WDR7: variants seen among roughly 807,000 people sequenced by gnomAD.
The protein encoded by WDR7 is WD repeat domain 7.
WDR7 carries 46 observed loss-of-function variants against 169.4 expected under a neutral mutation model. The observed-to-expected ratio is 0.27, with a 90% CI of 0.21 to 0.35. The LOEUF is 0.35. Ranked by LOEUF, WDR7 falls within the 10% of genes least tolerant of loss-of-function variation. The pLI, the probability that WDR7 is intolerant of heterozygous loss-of-function variation, is 1.00. For synonymous variants in WDR7, 612 were observed against 666.8 expected (o/e 0.92, Z 1.27); for missense variants, 1,534 against 1,859.3 (o/e 0.83, Z 3.22).
chr18:56,838,759 G>A (rs1029059558), intron 20 of WDR7, among the ~76,000 whole-genome samples: 1 of 152,188 alleles, frequency 6.6e-6, no homozygotes, highest in Non-Finnish European at 1.5e-5. Context: ...CTTAAGCTAA[G>A]TGGGATGTGA....
intron 20 of WDR7, among the ~76,000 whole-genome samples, chr18:56,820,900 T>C (rs1485135271): frequency 1.3e-5 from 2 of 152,202 alleles, no homozygotes; most frequent in African/African-American, 2.4e-5. Context: ...ACATGATTGA[T>C]ACCTAGTGTC....
chr18:56,974,437 A>G (rs1464320685), intron 26 of WDR7, among the ~76,000 whole-genome samples: 1 of 142,586 alleles, frequency 7.0e-6, no homozygotes, highest in African/African-American at 2.7e-5. Flanking sequence ...GTTCACAGGC[A>G]TGATCATAGT....
intron 2 of WDR7, 25 bp from the exon 3 acceptor site, chr18:56,679,307 A>T: frequency 1.3e-6 from 2 of 1,585,098 alleles, no homozygotes; most frequent in East Asian, 4.5e-5. Context: ...TTGGTACTTA[A>T]ACTAGCATAT....
chr18:56,686,855 G>T lies in WDR7; in HGVS notation c.598G>T (p.Asp200Tyr). Reference protein sequence around the residue: ...IVTSEISDMQDTEPIFEEESK... With the variant: ...IVTSEISDMQYTEPIFEEESK... The stretch of plus-strand genomic sequence containing the variant: ...AATTTTTACAAATCTTTCTTTTCAG[G>T]ATACTGAGCCAATATTTGAGGAGGA... Residue 200 changes from aspartate (D) to tyrosine (Y), a missense_variant and splice_region_variant, in exon 7 of 28, where the codon GAT becomes TAT. Physicochemically the swap from Asp to Tyr is radical, Grantham distance 160. Transcript: ENST00000254442. The T allele has an allele frequency of 6.3e-7, 1 of 1,589,624 alleles. No individual in the cohort carries two copies. Among genetic ancestry groups the T allele is most frequent in the Non-Finnish European group, 8.6e-7 (1 of 1,160,968 alleles).
At chr18:56,755,683 T>G (rs960764409) in intron 14 of WDR7, among the ~76,000 whole-genome samples, 2 of 152,098 alleles carry the variant, frequency 1.3e-5, no homozygotes, top group African/African-American at 4.8e-5. Flanking sequence ...TGGCTGATGA[T>G]GGAAATTAGA....
chr18:56,807,293 T>C (rs965017206), intron 19 of WDR7, among the ~76,000 whole-genome samples: 1 of 144,562 alleles, frequency 6.9e-6, no homozygotes, highest in Non-Finnish European at 1.6e-5. Flanking sequence ...GTTAAGCTTA[T>C]GCTTTAGTAC....
At chr18:57,032,837 A>G (rs1006296367), downstream of WDR7, 1 of 121,062 alleles carries the variant, frequency 8.3e-6, no homozygotes, top group Non-Finnish European at 1.7e-5. Context: ...ATATATATAT[A>G]TATATATACA....
chr18:57,013,888 G>C lies in WDR7; in HGVS notation c.4165-6857G>C, dbSNP rs1231400212. ...TGTACGAGTTTTTCCTTTTCAAGGA[G>C]TTCTAGTAAATTATCTTTTAATGGT... On this transcript the variant is annotated intron_variant, in intron 26 of 27. Transcript: ENST00000254442. Among the ~76,000 whole-genome samples, 4 of 152,324 alleles carry C rather than the reference G, an allele frequency of 2.6e-5. No individual in the cohort carries two copies. The East Asian group carries it at 7.7e-4, about 29-fold the overall frequency.
intron 22 of WDR7, among the ~76,000 whole-genome samples, chr18:56,930,074 G>A (rs113021004): frequency 3.9e-5 from 6 of 152,246 alleles, no homozygotes; most frequent in South Asian, 2.1e-4. Context: ...TGAAGGGGCC[G>A]GGCGAGCATC....
intron 2 of WDR7, among the ~76,000 whole-genome samples, chr18:56,673,473 G>A (rs1421052390): frequency 3.3e-5 from 5 of 152,018 alleles, no homozygotes; most frequent in South Asian, 2.1e-4. Flanking sequence ...ATAAAGTTGC[G>A]CGGCCATTAC....
In WDR7 at chr18:56,675,505, A is replaced by G. The variant is rs115021952; in HGVS notation, c.159+2831A>G. On this transcript the variant is annotated intron_variant, in intron 2 of 27. Coordinates refer to ENST00000254442, the MANE Select transcript of WDR7 (RefSeq NM_015285.3). ...GAATTTTTCCATTTATTTTATTTTC[A>G]GATTTTTCATTGCTGGTGTATAGAA... 4.6e-3 allele frequency among the ~76,000 whole-genome samples: 703 copies of G among 151,912 alleles called. 6 individuals are homozygous for G. Among genetic ancestry groups the G allele is most frequent in the African/African-American group, 0.016 (654 of 41,420 alleles).
chr18:56,973,833 A>G (rs543996470), intron 26 of WDR7, among the ~76,000 whole-genome samples: 1 of 152,354 alleles, frequency 6.6e-6, no homozygotes, highest in African/African-American at 2.4e-5. Context: ...GAAGAGGCAC[A>G]TACCTGGTAC....
intron 9 of WDR7, among the ~76,000 whole-genome samples, chr18:56,693,970 A>G (rs189786583): frequency 2.6e-5 from 4 of 152,008 alleles, no homozygotes; most frequent in African/African-American, 9.6e-5. Context: ...CCTGGACTCA[A>G]GTGATGCTCC....
At chr18:56,901,999 T>C (rs1215429047) in intron 21 of WDR7, among the ~76,000 whole-genome samples, 6 of 152,152 alleles carry the variant, frequency 3.9e-5, no homozygotes, top group Non-Finnish European at 8.8e-5. Flanking sequence ...GACTTTTAAG[T>C]GCTACAGAAG....
intron 26 of WDR7, among the ~76,000 whole-genome samples, chr18:57,020,369 G>T (rs927015939): frequency 1.3e-5 from 2 of 152,184 alleles, no homozygotes; most frequent in African/African-American, 4.8e-5. Context: ...TTTCAGATGA[G>T]CAAAGTTCCT....
chr18:56,829,094 G>A (rs1228672238), intron 20 of WDR7, among the ~76,000 whole-genome samples: 3 of 148,790 alleles, frequency 2.0e-5, no homozygotes, highest in Non-Finnish European at 3.0e-5. Context: ...ATTAGCCCGC[G>A]GCAACATAGT....
At chr18:56,727,225 C>T (rs773036475) in intron 13 of WDR7, among the ~76,000 whole-genome samples, 29 of 152,114 alleles carry the variant, frequency 1.9e-4, no homozygotes, top group Admixed American at 1.3e-4. Context: ...TCCTATTACT[C>T]CATCTTGGCT....
intron 1 of WDR7, among the ~76,000 whole-genome samples, chr18:56,663,682 T>C (rs1245982380): frequency 1.4e-5 from 1 of 69,890 alleles, no homozygotes; most frequent in Non-Finnish European, 3.5e-5. Flanking sequence ...CATATATATA[T>C]GCACAGCATA....
At chr18:56,651,846 G>A (rs1379468674) in intron 1 of WDR7, 1 of 152,338 alleles carries the variant, frequency 6.6e-6, no homozygotes, top group African/African-American at 2.4e-5. Context: ...CTTGAGGTGG[G>A]ACTGCCTGGT....
Sources: gnomAD v4.1 joint callset for allele counts (sites outside exome capture counted in the v4.1 genomes callset) on GRCh38, gnomAD v4.1.1 for gene constraint, MANE v1.5 for transcripts, NCBI Gene and HGNC (gene_info 2026-07-23, HGNC 2026-07-21) for gene names.